Variants in HCFC2 observed in about 807,000 individuals in gnomAD.
HCFC2 encodes host cell factor C2.
A neutral mutation model predicts 89.2 loss-of-function variants in HCFC2; 18 were observed. The observed-to-expected ratio is 0.20, with a 90% CI of 0.14 to 0.30. The LOEUF is 0.30. Among genes scored for constraint, HCFC2 ranks in the 10% least tolerant of loss-of-function variants. The pLI, the probability that HCFC2 is intolerant of heterozygous loss-of-function variation, is 1.00. For missense variants in HCFC2, 578 were observed against 956.1 expected, an observed-to-expected ratio of 0.60 and a Z score of 5.21; for synonymous variants, 308 against 335.7, an observed-to-expected ratio of 0.92 and a Z score of 0.90.
At chr12:104,098,537 T>TC in intron 13 of HCFC2, 57 bp downstream of exon 13, 8 of 1,480,924 alleles carry the variant, frequency 5.4e-6, no homozygotes, top group Non-Finnish European at 7.3e-6. Context: ...ATGAGATTTT[T>TC]CTCTACCAAT....
intron 7 of HCFC2, 80 bp downstream of exon 7, chr12:104,082,981 T>C (rs1883729028): frequency 1.1e-6 from 1 of 938,552 alleles, no homozygotes; most frequent in Non-Finnish European, 1.6e-6. Flanking sequence ...TTACTGTAAA[T>C]GCTACTACCT....
At chr12:104,077,080 T>C (rs1333734944) in intron 3 of HCFC2, among the ~76,000 whole-genome samples, 1 of 152,220 alleles carries the variant, frequency 6.6e-6, no homozygotes, top group East Asian at 1.9e-4. Context: ...TTATATCTTT[T>C]TATCTGTGTC....
chr12:104,098,226 ATGT>A, intron 12 of HCFC2, 114 bp from the exon 13 acceptor site: 1 of 700,186 alleles, frequency 1.4e-6, no homozygotes, highest in East Asian at 2.8e-5. Context: ...TGAGTTGTTA[ATGT>A]TGTGGTGTTT....
At position 104,087,082 on chromosome 12, in the gene HCFC2, C is replaced by T. The variant is rs143092302; in HGVS notation, c.1231+68C>T. ...TTTAAAAATATATACTGGCCGGGCG[C>T]GGTGGCTCACGCCTGTAATCCCAGC... is the stretch of plus-strand genomic sequence containing the variant. On this transcript the variant is annotated intron_variant, in intron 8 of 14. Transcript: ENST00000229330. 363 of 1,465,896 alleles carry T rather than the reference C, an allele frequency of 2.5e-4. 3 individuals carry two copies. The East Asian group carries it at 6.1e-3, about 25-fold the overall frequency. The allele number at this position is 1,465,896 out of a possible 1,614,324, so 90.8% of individuals were successfully genotyped here. A position where few individuals can be genotyped will look rare whatever the true frequency, so the allele number is the denominator to read the frequency against.
intron 7 of HCFC2, among the ~76,000 whole-genome samples, chr12:104,084,028 G>A (rs1173465637): frequency 2.0e-5 from 3 of 152,204 alleles, no homozygotes; most frequent in South Asian, 4.1e-4. Context: ...ACCCCATCTC[G>A]AAAGGGGGAA....
chr12:104,090,426 A>G (rs903337320), intron 9 of HCFC2, among the ~76,000 whole-genome samples: 1 of 151,936 alleles, frequency 6.6e-6, no homozygotes, highest in South Asian at 2.1e-4. Flanking sequence ...GGTGTGCCTC[A>G]CCCAGTGGAT....
chr12:104,081,149 A>C (rs1231804538), intron 5 of HCFC2, among the ~76,000 whole-genome samples: 1 of 152,116 alleles, frequency 6.6e-6, no homozygotes, highest in South Asian at 2.1e-4. Context: ...GTAGTGCTTC[A>C]TTTGTACTGA....
chr12:104,072,865 C>T (rs987150963), intron 3 of HCFC2, among the ~76,000 whole-genome samples: 16 of 151,846 alleles, frequency 1.1e-4, no homozygotes, highest in African/African-American at 3.6e-4. Flanking sequence ...AGGATGGTCT[C>T]GATCTCCTGA....
intron 14 of HCFC2, 86 bp downstream of exon 14, chr12:104,102,239 G>A: frequency 8.6e-7 from 1 of 1,161,926 alleles, no homozygotes; most frequent in Non-Finnish European, 1.2e-6. Context: ...AGAAATTCTT[G>A]TTACCATCTA....
rs1436610929 is a variant in HCFC2, at chr12:104,075,497, C to T, written c.474-3948C>T. On this transcript the variant is annotated intron_variant, in intron 3 of 14. Coordinates refer to ENST00000229330, the MANE Select transcript of HCFC2 (RefSeq NM_013320.3). ...TTTTAGAGGCAGAATCTCATTCTGT[C>T]ACCCAGGCTAGAGGGTGGTGACACA... 7.0e-5 allele frequency among the ~76,000 whole-genome samples: 9 copies of T among 129,188 alleles called. No homozygotes were observed. The Admixed American group carries it at 7.2e-4, about 10-fold the overall frequency. The allele number at this position is 129,188 out of a possible 152,430, so 84.8% of individuals were successfully genotyped here.
chr12:104,102,176 G>C (rs773764965), intron 14 of HCFC2, 23 bp downstream of exon 14: 1 of 1,589,156 alleles, frequency 6.3e-7, no homozygotes, highest in Admixed American at 1.7e-5. Flanking sequence ...GTCAAGACTT[G>C]TTGGTGATTT....
chr12:104,072,630 T>C (rs1883354307), intron 3 of HCFC2, among the ~76,000 whole-genome samples: 1 of 152,138 alleles, frequency 6.6e-6, no homozygotes, highest in African/African-American at 2.4e-5. Context: ...TTGAGGATAT[T>C]ATGAATCCAT....
At chr12:104,076,680 G>C (rs1460161343) in intron 3 of HCFC2, among the ~76,000 whole-genome samples, 2 of 151,836 alleles carry the variant, frequency 1.3e-5, no homozygotes, top group Non-Finnish European at 1.5e-5. Flanking sequence ...CTTATATTTT[G>C]TATTTTGTTT....
intron 3 of HCFC2, 93 bp from the exon 4 acceptor site, chr12:104,079,352 C>T (rs911575177): frequency 9.7e-6 from 10 of 1,034,022 alleles, no homozygotes; most frequent in Non-Finnish European, 1.3e-5. Context: ...GAACTTTTCA[C>T]AGTAAGCACA....
rs139717385 is a variant in HCFC2, at chr12:104,097,292, A to G, written c.1740+859A>G. 1.7e-3 allele frequency among the ~76,000 whole-genome samples: 265 copies of G among 152,180 alleles called. 1 individual carries two copies. Among genetic ancestry groups the G allele is most frequent in the African/African-American group, 5.9e-3 (246 of 41,524 alleles). On this transcript the variant is annotated intron_variant, in intron 12 of 14. Coordinates refer to ENST00000229330, the MANE Select transcript of HCFC2 (RefSeq NM_013320.3). ...CATATATTTACCTTTATCAGCTTTC[A>G]TCTTTCCAGAATGTTAAGTTCTAGT...
chr12:104,087,056 T>C (rs760250777), intron 8 of HCFC2, 42 bp downstream of exon 8: 1 of 1,602,566 alleles, frequency 6.2e-7, no homozygotes, highest in South Asian at 1.1e-5. Context: ...GCTCACATGC[T>C]TTTAAAAATA....
rs1396704177 is a variant in HCFC2 at position 104,098,487 on chromosome 12, A to G, written c.1878+7A>G. On this transcript the variant is annotated splice_region_variant and intron_variant, in intron 13 of 14. Transcript: ENST00000229330. ...GAAGCAAAGCATCTCAAAGGTAGCT[A>G]TTGATATATTTTCTACATTGTAAAT... 6.3e-7 allele frequency: 1 copy of G among 1,595,646 alleles called. No individual in the cohort carries two copies. Among genetic ancestry groups the G allele is most frequent in the Admixed American group, 1.8e-5 (1 of 56,218 alleles).
At chr12:104,087,076 C>T (rs892513698) in intron 8 of HCFC2, 62 bp downstream of exon 8, 159 of 1,531,198 alleles carry the variant, frequency 1.0e-4, no homozygotes, top group African/African-American at 5.9e-4. Context: ...ATATACTGGC[C>T]GGGCGCGGTG....
intron 1 of HCFC2, chr12:104,065,178 C>T (rs944553348): frequency 6.5e-6 from 1 of 152,926 alleles, no homozygotes. Flanking sequence ...AAACGAGAGG[C>T]CTTCTGGCAC....
Sources: allele counts gnomAD v4.1 joint callset (sites outside exome capture counted in the v4.1 genomes callset), GRCh38; gene constraint gnomAD v4.1.1; transcripts MANE v1.5; gene names NCBI Gene and HGNC (gene_info 2026-07-23, HGNC 2026-07-21).